TRDN: variants seen among roughly 807,000 people sequenced by gnomAD.
TRDN encodes the protein triadin in skeletal muscle.
In TRDN, 161 loss-of-function variants were observed where a neutral mutation model predicts 149.7. The observed-to-expected ratio is 1.08, with a 90% CI of 0.95 to 1.23. The LOEUF is 1.23. TRDN is among the 50% of genes most tolerant of loss of function. TRDN has a pLI of 0.00. For missense variants in TRDN, 896 were observed against 823.5 expected, an observed-to-expected ratio of 1.09 and a Z score of -1.08; for synonymous variants, 294 against 250.5, an observed-to-expected ratio of 1.17 and a Z score of -1.64.
At chr6:123,529,305 G>A (rs1780104742) in intron 5 of TRDN, 1 of 1,548,758 alleles carries the variant, frequency 6.5e-7, no homozygotes, top group Admixed American at 2.0e-5. Context: ...TGTGATCAAA[G>A]GAATTAAGAA....
chr6:123,352,227 G>A, intron 21 of TRDN: 1 of 984,470 alleles, frequency 1.0e-6, no homozygotes, highest in Non-Finnish European at 1.2e-6. Flanking sequence ...AAATCAAATA[G>A]GAATATGTCT....
At chr6:123,509,271 C>CT (rs2114849526) in intron 7 of TRDN, among the ~76,000 whole-genome samples, 1 of 152,054 alleles carries the variant, frequency 6.6e-6, no homozygotes, top group African/African-American at 2.4e-5. Flanking sequence ...AGATGGCTCC[C>CT]AGTGACTCCC....
chr6:123,398,269 T>G (rs998403699), intron 12 of TRDN, among the ~76,000 whole-genome samples: 1 of 152,218 alleles, frequency 6.6e-6, no homozygotes, highest in East Asian at 1.9e-4. Context: ...CCTCCCAAAG[T>G]GCTAGGATTA....
chr6:123,382,285 A>G (rs1781751865), intron 14 of TRDN, 138 bp from the exon 15 acceptor site: 4 of 541,126 alleles, frequency 7.4e-6, no homozygotes, highest in Non-Finnish European at 1.2e-5. Flanking sequence ...CTAGAATATG[A>G]GACTTAGAAA....
intron 24 of TRDN, among the ~76,000 whole-genome samples, chr6:123,282,382 C>G (rs1311244607): frequency 6.6e-6 from 1 of 151,910 alleles, no homozygotes; most frequent in East Asian, 1.9e-4. Flanking sequence ...GATTAATCAA[C>G]AGTGATCAAC....
intron 1 of TRDN, among the ~76,000 whole-genome samples, chr6:123,582,070 C>T (rs1182846236): frequency 2.0e-5 from 3 of 152,134 alleles, no homozygotes; most frequent in African/African-American, 7.2e-5. Flanking sequence ...TGGGTTACAG[C>T]TTGATTTTAC....
intron 9 of TRDN, among the ~76,000 whole-genome samples, chr6:123,484,691 A>C (rs1222886461): frequency 6.6e-6 from 1 of 152,190 alleles, no homozygotes; most frequent in Non-Finnish European, 1.5e-5. Context: ...CAAAAAAGCC[A>C]CTTTAAGGAA....
chr6:123,593,321 A>T (rs1207860325), intron 1 of TRDN, among the ~76,000 whole-genome samples: 1 of 152,240 alleles, frequency 6.6e-6, no homozygotes, highest in Non-Finnish European at 1.5e-5. Context: ...CTCAAAGAGC[A>T]CTTCGGTAAT....
At chr6:123,605,463 C>A (rs1396485421) in intron 1 of TRDN, among the ~76,000 whole-genome samples, 1 of 151,632 alleles carries the variant, frequency 6.6e-6, no homozygotes, top group African/African-American at 2.4e-5. Flanking sequence ...TGATTCAAGA[C>A]GGTTTAGTGA....
intron 9 of TRDN, among the ~76,000 whole-genome samples, chr6:123,482,889 A>T (rs1338634930): frequency 6.6e-6 from 1 of 151,996 alleles, no homozygotes; most frequent in Non-Finnish European, 1.5e-5. Flanking sequence ...ACAAAGCAGA[A>T]ATACAGAATC....
chr6:123,585,812 G>C (rs1783450960), intron 1 of TRDN, among the ~76,000 whole-genome samples: 1 of 152,078 alleles, frequency 6.6e-6, no homozygotes, highest in Non-Finnish European at 1.5e-5. Flanking sequence ...CAGGCATTTG[G>C]AAGTTCTTGT....
At chr6:123,501,428 A>C (rs1262234166) in intron 8 of TRDN, among the ~76,000 whole-genome samples, 1 of 151,762 alleles carries the variant, frequency 6.6e-6, no homozygotes, top group Non-Finnish European at 1.5e-5. Context: ...AGCTAACTCA[A>C]CTAAGTCATC....
intron 33 of TRDN, among the ~76,000 whole-genome samples, chr6:123,260,849 A>G (rs1776746104): frequency 6.6e-6 from 1 of 151,694 alleles, no homozygotes; most frequent in Non-Finnish European, 1.5e-5. Context: ...TTGAAAATAG[A>G]ACAAATATTC....
chr6:123,223,713 C>CTTCCTTCCTTCCTTCG (rs1775243651), intron 39 of TRDN, among the ~76,000 whole-genome samples: 1 of 149,520 alleles, frequency 6.7e-6, no homozygotes, highest in Non-Finnish European at 1.5e-5. Context: ...TCCTTCCTTC[C>CTTCCTTCCTTCCTTCG]TTCCTTCCTT....
At position 123,571,051 on chromosome 6, in the gene TRDN, G is replaced by A. The variant is rs766543304; in HGVS notation, c.104C>T (p.Thr35Ile). The change falls in exon 2 of 41, where the codon ACA becomes ATA. Residue 35 changes from threonine (T) to isoleucine (I), a missense_variant. Thr to Ile is a moderately conservative substitution (Grantham distance 89, BLOSUM62 -1). Coordinates refer to ENST00000334268, the MANE Select transcript of TRDN (RefSeq NM_006073.4). ...PKSPGKVLKR[T>I]VTEDIVTTFS... ...CGTCGTCACTATGTCTTCTGTGACTGTCCTCTTCAGCACTTTTCCGGGGGA... is the reference window on the plus strand; with the variant it reads ...CGTCGTCACTATGTCTTCTGTGACTATCCTCTTCAGCACTTTTCCGGGGGA... The A allele has an allele frequency of 6.2e-7, 1 of 1,613,974 alleles. No individual in the cohort carries two copies. The highest frequency in any genetic ancestry group is 1.1e-5 in the South Asian group (1 of 91,084).
In TRDN at chr6:123,479,999, C is replaced by T. The variant is rs546884703; in HGVS notation, c.854-15016G>A. Among the ~76,000 whole-genome samples, 541 of 152,050 alleles carry T rather than the reference C, an allele frequency of 3.6e-3. 1 individual carries two copies. Among genetic ancestry groups the T allele is most frequent in the Non-Finnish European group, 5.7e-3 (389 of 67,950 alleles). ...ACGCAATATTCAAAGTTATAATGAA[C>T]TCAAGTTTCTGAGATATCTTTTTTC... is the stretch of plus-strand genomic sequence containing the variant. On this transcript the variant is annotated intron_variant, in intron 9 of 40. Coordinates refer to ENST00000334268, the MANE Select transcript of TRDN (RefSeq NM_006073.4).
At chr6:123,572,944 T>G (rs1447258292) in intron 1 of TRDN, among the ~76,000 whole-genome samples, 1 of 152,126 alleles carries the variant, frequency 6.6e-6, no homozygotes, top group East Asian at 1.9e-4. Context: ...AAAGAGTAGC[T>G]GTAGTTTCTT....
chr6:123,277,307 A>G (rs182897228), intron 26 of TRDN, among the ~76,000 whole-genome samples: 4 of 152,254 alleles, frequency 2.6e-5, no homozygotes, highest in Admixed American at 6.5e-5. Context: ...TAGGACTTTT[A>G]GAAATGTTGG....
At chr6:123,560,821 C>T (rs920201756) in intron 2 of TRDN, among the ~76,000 whole-genome samples, 1 of 152,144 alleles carries the variant, frequency 6.6e-6, no homozygotes, top group African/African-American at 2.4e-5. Flanking sequence ...CATTTCATAA[C>T]CTCTTCCATG....
Sources: allele counts gnomAD v4.1 joint callset (sites outside exome capture counted in the v4.1 genomes callset), GRCh38; gene constraint gnomAD v4.1.1; transcripts MANE v1.5; gene names NCBI Gene and HGNC (gene_info 2026-07-23, HGNC 2026-07-21).